Variants in FHOD1 observed in about 807,000 individuals in gnomAD.
FHOD1 encodes the protein formin homology 2 domain containing 1.
Under a neutral mutation model 111.6 loss-of-function variants are expected in FHOD1, and 89 were observed. The ratio of observed to expected loss-of-function variants is 0.80; its 90% CI spans 0.67 to 0.95. The LOEUF (loss-of-function observed/expected upper bound fraction) is 0.95, where lower values mean the gene tolerates loss of function less well. Among genes scored for constraint, FHOD1 ranks in the 40% least tolerant of loss-of-function variants. The pLI, the probability that FHOD1 is intolerant of heterozygous loss-of-function variation, is 0.00. For synonymous variants in FHOD1, 618 were observed against 639.0 expected (o/e 0.97, Z 0.50); for missense variants, 1,446 against 1,554.2 (o/e 0.93, Z 1.17).
chr16:67,238,461 G>A lies in FHOD1; in HGVS notation c.374-14C>T, dbSNP rs200598043. On this transcript the variant is annotated splice_polypyrimidine_tract_variant and intron_variant, in intron 3 of 21. Coordinates refer to ENST00000258201, the MANE Select transcript of FHOD1 (RefSeq NM_013241.3). This position sits in a 1 kb window ranked among gnomAD's most constrained non-coding sequence, Gnocchi z 4.2. ...TATACAGCTTTTCTGCAAAAGGTAGGGTATAAAACCCTTGATGGACACAGA... is the reference window on the plus strand; with the variant it reads ...TATACAGCTTTTCTGCAAAAGGTAGAGTATAAAACCCTTGATGGACACAGA... 1.2e-6 allele frequency: 2 copies of A among 1,611,472 alleles called. No homozygotes were observed. The highest frequency in any genetic ancestry group is 3.3e-5 in the Admixed American group (2 of 59,714).
Position 67,247,213 on chromosome 16 carries a change from G to T in FHOD1, c.198C>A (p.Leu66=). 1 of 1,573,522 alleles carries T rather than the reference G, an allele frequency of 6.4e-7. No homozygotes were observed. Among genetic ancestry groups the T allele is most frequent in the Non-Finnish European group, 8.6e-7 (1 of 1,162,928 alleles). The change falls in exon 1 of 22, where the codon CTC becomes CTA. Residue 66 remains leucine, a synonymous_variant. Coordinates refer to ENST00000258201, the MANE Select transcript of FHOD1 (RefSeq NM_013241.3). ...PAVHRLLGAP[L]KLEDCALQVS... is the part of the protein sequence containing the mutation. ...ACCTTTCTCCGGCCTCCCTCACCTT[G>T]AGCGGCGCTCCCAGCAGGCGGTGCA...
In FHOD1 at chr16:67,230,241, G is replaced by A. The variant is rs1318278994; in HGVS notation, c.3052-13C>T. 1.9e-6 allele frequency: 3 copies of A among 1,613,844 alleles called. No homozygotes were observed. Among genetic ancestry groups the A allele is most frequent in the Non-Finnish European group, 1.7e-6 (2 of 1,179,796 alleles). ...AGAACTTCTCTGTCTGGAGAAAGAAGAAGGGTGAGCTGGGAGGAGCGAAGG... is the reference window on the plus strand; with the variant it reads ...AGAACTTCTCTGTCTGGAGAAAGAAAAAGGGTGAGCTGGGAGGAGCGAAGG... On this transcript the variant is annotated splice_polypyrimidine_tract_variant and intron_variant, in intron 19 of 21. Coordinates refer to ENST00000258201, the MANE Select transcript of FHOD1 (RefSeq NM_013241.3).
At position 67,237,822 on chromosome 16, in the gene FHOD1, C is replaced by G. The variant is rs1597326133; in HGVS notation, c.643-54G>C. Reference sequence around the variant, plus strand: ...GGGGCTTAGGCCAGACCTGTGCCAGCTGTTGCTGGGGAAGGGGAAGGGCTG... The same window carrying G: ...GGGGCTTAGGCCAGACCTGTGCCAGGTGTTGCTGGGGAAGGGGAAGGGCTG... On this transcript the variant is annotated intron_variant, in intron 6 of 21. Coordinates refer to ENST00000258201, the MANE Select transcript of FHOD1 (RefSeq NM_013241.3). The surrounding 1 kb of genome is among the most constrained non-coding windows in gnomAD (Gnocchi z 5.6). 2 of 1,533,876 alleles carry G rather than the reference C, an allele frequency of 1.3e-6. No individual in the cohort carries two copies. Among genetic ancestry groups the G allele is most frequent in the African/African-American group, 1.4e-5 (1 of 73,418 alleles).
At chr16:67,242,251 G>C (rs910440610) in intron 1 of FHOD1, among the ~76,000 whole-genome samples, 2 of 152,216 alleles carry the variant, frequency 1.3e-5, no homozygotes, top group Non-Finnish European at 1.5e-5. Context: ...TTGTAGGTGT[G>C]AGCCACTGTG....
chr16:67,237,175 G>A lies in FHOD1; in HGVS notation c.994-61C>T. 1.2e-6 allele frequency: 2 copies of A among 1,602,206 alleles called. No homozygotes were observed. The highest frequency in any genetic ancestry group is 1.7e-5 in the Admixed American group (1 of 59,332). ...AACGTGTATGCAGGTGGGGTGGGGCGCTGGGGACTGCGCTTCTCTCTTCCC... is the reference window on the plus strand; with the variant it reads ...AACGTGTATGCAGGTGGGGTGGGGCACTGGGGACTGCGCTTCTCTCTTCCC... On this transcript the variant is annotated intron_variant, in intron 9 of 21. Transcript: ENST00000258201. The surrounding 1 kb of genome is among the most constrained non-coding windows in gnomAD (Gnocchi z 5.6).
intron 1 of FHOD1, among the ~76,000 whole-genome samples, chr16:67,245,068 CATAGTTT>C (rs927823385): frequency 2.0e-5 from 3 of 152,184 alleles, no homozygotes; most frequent in African/African-American, 7.2e-5. Context: ...GGGCTGTGGT[CATAGTTT>C]ATATTTGGGT....
At chr16:67,233,157 A>G (rs1314768772) in intron 13 of FHOD1, among the ~76,000 whole-genome samples, 1 of 148,430 alleles carries the variant, frequency 6.7e-6, no homozygotes, top group East Asian at 2.0e-4. Flanking sequence ...TGCGATCTCG[A>G]CTCACTGCAA....
intron 1 of FHOD1, among the ~76,000 whole-genome samples, chr16:67,244,930 T>C (rs1194544622): frequency 2.0e-5 from 3 of 152,166 alleles, no homozygotes; most frequent in African/African-American, 4.8e-5. Flanking sequence ...CACCCACTTA[T>C]AGGACTACGG....
rs1449809268 is a variant in FHOD1 at position 67,237,228 on chromosome 16, GC to G, written c.993+10del. On this transcript the variant is annotated intron_variant, in intron 9 of 21. Transcript: ENST00000258201. This position sits in a 1 kb window ranked among gnomAD's most constrained non-coding sequence, Gnocchi z 5.6. ...TTTCCAATCCGCCTCAGAGCGTAAG[GC>G]CCGGCCCACCTCGTAGAGCACAAGC... 1 of 1,612,294 alleles carries G rather than the reference GC, an allele frequency of 6.2e-7. No individual in the cohort carries two copies. Among genetic ancestry groups the G allele is most frequent in the Non-Finnish European group, 8.5e-7 (1 of 1,178,908 alleles).
At chr16:67,239,039 C>T in intron 2 of FHOD1, 72 bp from the exon 3 acceptor site, 1 of 1,448,304 alleles carries the variant, frequency 6.9e-7, no homozygotes. Context: ...CCAAGGGAGC[C>T]AAAGACCTCC....
rs1305208794 is a variant in FHOD1, at chr16:67,238,426, C to T, written c.395G>A (p.Gly132Asp). The change falls in exon 4 of 22, where the codon GGT (glycine) becomes GAT (aspartate). Residue 132 changes from glycine (G) to aspartate (D), a missense_variant. Transcript: ENST00000258201. This position sits in a 1 kb window ranked among gnomAD's most constrained non-coding sequence, Gnocchi z 4.2. ...AILEKLYSSS[G>D]PELRRSLFSL... Reference sequence around the variant, plus strand: ...GAAGAGGGAGCGGCGGAGCTCAGGACCACTGGAGCTATACAGCTTTTCTGC... The same window carrying T: ...GAAGAGGGAGCGGCGGAGCTCAGGATCACTGGAGCTATACAGCTTTTCTGC... 6.2e-7 allele frequency: 1 copy of T among 1,614,044 alleles called. No individual in the cohort carries two copies. The highest frequency in any genetic ancestry group is 8.5e-7 in the Non-Finnish European group (1 of 1,179,968).
rs780524217 is a variant in FHOD1 at position 67,230,309 on chromosome 16, C to T, written c.3051+5G>A. On this transcript the variant is annotated splice_donor_5th_base_variant and intron_variant, in intron 19 of 21. Coordinates refer to ENST00000258201, the MANE Select transcript of FHOD1 (RefSeq NM_013241.3). The stretch of plus-strand genomic sequence containing the variant: ...GTCAAGACTAAGACCTGGAAGGGCA[C>T]CCACCTCGGTGATCATGCGTCCCCG... The T allele has an allele frequency of 1.9e-6, 3 of 1,614,116 alleles. No individual in the cohort carries two copies. The highest frequency in any genetic ancestry group is 1.7e-6 in the Non-Finnish European group (2 of 1,179,948).
chr16:67,231,074 C>G lies in FHOD1; in HGVS notation c.2667+114G>C, dbSNP rs2034248396. The G allele has an allele frequency of 1.4e-6, 2 of 1,382,880 alleles. No individual in the cohort carries two copies. The highest frequency in any genetic ancestry group is 2.9e-5 in the African/African-American group (2 of 69,782). 85.7% of individuals were successfully genotyped at this position (1,382,880 alleles called of 1,614,324 possible). A position where few individuals can be genotyped will look rare whatever the true frequency, so the allele number is the denominator to read the frequency against. ...GAGGGCATAGCTCACACCCAGGTGG[C>G]TGGAGCAAGCCCTGGCACAGCAGCC... On this transcript the variant is annotated intron_variant, in intron 17 of 21. Coordinates refer to ENST00000258201, the MANE Select transcript of FHOD1 (RefSeq NM_013241.3). This position sits in a 1 kb window ranked among gnomAD's most constrained non-coding sequence, Gnocchi z 4.3.
chr16:67,240,557 GA>G lies in FHOD1; in HGVS notation c.202-1104del, dbSNP rs371907724. Reference sequence around the variant, plus strand: ...AAACAAAACAAAACAAAACACTTAAGAGTCTGACTCAGTCTACAGTAGGACC... The same window carrying G: ...AAACAAAACAAAACAAAACACTTAAGGTCTGACTCAGTCTACAGTAGGACC... On this transcript the variant is annotated intron_variant, in intron 1 of 21. Transcript: ENST00000258201. 4.1e-3 allele frequency among the ~76,000 whole-genome samples: 628 copies of G among 152,268 alleles called. 4 individuals are homozygous for G. Among genetic ancestry groups the G allele is most frequent in the South Asian group, 6.6e-3 (32 of 4,830 alleles).
Position 67,231,686 on chromosome 16 carries a change from G to T in FHOD1, c.2336C>A (p.Ala779Asp). 1 of 1,614,200 alleles carries T rather than the reference G, an allele frequency of 6.2e-7. No individual in the cohort carries two copies. The highest frequency in any genetic ancestry group is 8.5e-7 in the Non-Finnish European group (1 of 1,180,046). Reference protein sequence around the residue: ...MTLASIGGLAARLQLWAFKLD... With the variant: ...MTLASIGGLADRLQLWAFKLD... ...CTTGAAGGCCCAGAGTTGTAGACGA[G>T]CAGCGAGGCCGCCAATGGAGGCAAG... The change falls in exon 15 of 22, where the codon GCT (alanine) becomes GAT (aspartate). Residue 779 changes from alanine to aspartate, a missense_variant. Ala to Asp is a moderately radical substitution (Grantham distance 126). Coordinates refer to ENST00000258201, the MANE Select transcript of FHOD1 (RefSeq NM_013241.3). The surrounding 1 kb of genome is among the most constrained non-coding windows in gnomAD (Gnocchi z 4.3).
At position 67,238,889 on chromosome 16, in the gene FHOD1, TC is replaced by T. The variant is rs1392753586; in HGVS notation, c.373+13del. 8 of 1,613,898 alleles carry T rather than the reference TC, an allele frequency of 5.0e-6. No homozygotes were observed. On this transcript the variant is annotated intron_variant, in intron 3 of 21. Coordinates refer to ENST00000258201, the MANE Select transcript of FHOD1 (RefSeq NM_013241.3). The surrounding 1 kb of genome is among the most constrained non-coding windows in gnomAD (Gnocchi z 4.2). Reference sequence around the variant, plus strand: ...AGGAGGTGCTGCTGGACATGGATGCTCTCACACACTCACCCAAGATAGCGTT... The same window carrying T: ...AGGAGGTGCTGCTGGACATGGATGCTTCACACACTCACCCAAGATAGCGTT...
chr16:67,231,299 G>GTCCTTCACCTCTGACACCTTC lies in FHOD1; in HGVS notation c.2535_2555dup (p.Glu845_Lys851dup). On this transcript the variant is annotated inframe_insertion, in exon 17 of 22. Coordinates refer to ENST00000258201, the MANE Select transcript of FHOD1 (RefSeq NM_013241.3). The surrounding 1 kb of genome is among the most constrained non-coding windows in gnomAD (Gnocchi z 4.3). ...GTAGCAGTGACTGTCGACGCACCGT[G>GTCCTTCACCTCTGACACCTTC]TCCTTCACCTCTGACACCTTCTCCA... is the stretch of plus-strand genomic sequence containing the variant. 6.2e-6 allele frequency: 10 copies of GTCCTTCACCTCTGACACCTTC among 1,614,168 alleles called. No homozygotes were observed. The highest frequency in any genetic ancestry group is 8.5e-6 in the Non-Finnish European group (10 of 1,180,032).
Position 67,238,829 on chromosome 16 carries a change from C to T in FHOD1, c.373+74G>A. On this transcript the variant is annotated intron_variant, in intron 3 of 21. Coordinates refer to ENST00000258201, the MANE Select transcript of FHOD1 (RefSeq NM_013241.3). The surrounding 1 kb of genome is among the most constrained non-coding windows in gnomAD (Gnocchi z 4.2). ...TAAACCTACTTTGCTCACTGTTCAG[C>T]ACAGGCCTGAAGGTGAGCCAACTGG... is the stretch of plus-strand genomic sequence containing the variant. The T allele has an allele frequency of 6.9e-7, 1 of 1,453,084 alleles. No homozygotes were observed. Among genetic ancestry groups the T allele is most frequent in the Admixed American group, 1.7e-5 (1 of 59,748 alleles). The allele number at this position is 1,453,084 out of a possible 1,614,324, so 90.0% of individuals were successfully genotyped here.
rs1020091571 is a variant in FHOD1 at position 67,234,188 on chromosome 16, G to T, written c.1515C>A (p.Leu505=). Residue 505 remains leucine, a synonymous_variant, in exon 13 of 22, where the codon CTC becomes CTA. Coordinates refer to ENST00000258201, the MANE Select transcript of FHOD1 (RefSeq NM_013241.3). Reference sequence around the variant, plus strand: ...CTGGTGCAAGGCTTCGCTGGGCCCGGAGCAGGACACAGGGGGCAGGGCTCT... The same window carrying T: ...CTGGTGCAAGGCTTCGCTGGGCCCGTAGCAGGACACAGGGGGCAGGGCTCT... ...TPQSPAPCVL[L]RAQRSLAPEP... is the part of the protein sequence containing the mutation. 6.4e-7 allele frequency: 1 copy of T among 1,550,948 alleles called. No homozygotes were observed. Among genetic ancestry groups the T allele is most frequent in the Non-Finnish European group, 8.7e-7 (1 of 1,146,550 alleles).
Sources: allele counts gnomAD v4.1 joint callset (sites outside exome capture counted in the v4.1 genomes callset), GRCh38; gene constraint gnomAD v4.1.1; non-coding constraint Gnocchi (gnomAD v3.1); transcripts MANE v1.5; gene names NCBI Gene and HGNC (gene_info 2026-07-23, HGNC 2026-07-21).